The following RNF157 variants were observed in gnomAD, a reference collection of about 807,000 sequenced individuals.
The protein encoded by RNF157 is ring finger protein 157.
RNF157 carries 55 observed loss-of-function variants against 88.3 expected under a neutral mutation model. That is an observed-to-expected ratio of 0.62 (90% CI 0.50 to 0.78). The LOEUF (loss-of-function observed/expected upper bound fraction) is 0.78. Ranked by LOEUF, RNF157 falls within the 30% of genes least tolerant of loss-of-function variation. The pLI is 0.00. For missense variants in RNF157, 788 were observed against 860.8 expected, an observed-to-expected ratio of 0.92 and a Z score of 1.06; for synonymous variants, 334 against 341.2, an observed-to-expected ratio of 0.98 and a Z score of 0.23.
intron 12 of RNF157, among the ~76,000 whole-genome samples, chr17:76,158,713 A>G (rs1029913700): frequency 3.3e-5 from 5 of 152,180 alleles, no homozygotes; most frequent in African/African-American, 7.2e-5. Context: ...CAGCCTCCTG[A>G]GTAGCCGAGT....
intron 1 of RNF157, among the ~76,000 whole-genome samples, chr17:76,213,349 C>G (rs2069834063): frequency 6.6e-6 from 1 of 152,034 alleles, no homozygotes; most frequent in South Asian, 2.1e-4. Flanking sequence ...GAGGGCGGAT[C>G]ACTTGAGGTC....
chr17:76,215,542 A>T (rs2069874522), intron 1 of RNF157, among the ~76,000 whole-genome samples: 2 of 42,046 alleles, frequency 4.8e-5, no homozygotes, highest in African/African-American at 2.6e-4. Flanking sequence ...TAGCAAACTA[A>T]AAAAAAAAAA....
Position 76,161,715 on chromosome 17 carries a change from A to C in RNF157, c.953-68T>G. On this transcript the variant is annotated intron_variant, in intron 10 of 18. Coordinates refer to ENST00000269391, the MANE Select transcript of RNF157 (RefSeq NM_052916.3). The surrounding 1 kb of genome is among the most constrained non-coding windows in gnomAD (Gnocchi z 4.6). ...ATTAAGAATGAACAAGAGCCCAGAC[A>C]GAAACCATGATCCCTCCCAGCGCGC... The C allele has an allele frequency of 6.5e-7, 1 of 1,537,980 alleles. No homozygotes were observed. The highest frequency in any genetic ancestry group is 8.9e-7 in the Non-Finnish European group (1 of 1,120,908).
chr17:76,175,063 G>A (rs974436823), intron 2 of RNF157, among the ~76,000 whole-genome samples: 1 of 152,094 alleles, frequency 6.6e-6, no homozygotes, highest in Admixed American at 6.6e-5. Flanking sequence ...TATGGAATAC[G>A]TATCTCCATC....
At position 76,203,368 on chromosome 17, in the gene RNF157, C is replaced by T. The variant is rs114386509; in HGVS notation, c.207+8996G>A. On this transcript the variant is annotated intron_variant, in intron 2 of 18. Coordinates refer to ENST00000269391, the MANE Select transcript of RNF157 (RefSeq NM_052916.3). The stretch of plus-strand genomic sequence containing the variant: ...AAATTGAGACTCACTGATTGGCCAT[C>T]GTCTTAACCAACATGACAAAGTCAG... 6.1e-3 allele frequency among the ~76,000 whole-genome samples: 935 copies of T among 152,142 alleles called. 11 individuals are homozygous for T. Among genetic ancestry groups the T allele is most frequent in the African/African-American group, 0.021 (887 of 41,488 alleles).
In RNF157 at chr17:76,159,603, T is replaced by G. The variant is rs367585332; in HGVS notation, c.1066-30A>C. On this transcript the variant is annotated intron_variant, in intron 11 of 18. Transcript: ENST00000269391. ...GGGAATCAGAGACAGGTTGAAAAAT[T>G]AATTAGGTCCTTTTTGTTTTATGAC... 31 of 1,475,412 alleles carry G rather than the reference T, an allele frequency of 2.1e-5. No individual in the cohort carries two copies. The African/African-American group carries it at 3.9e-4, about 19-fold the overall frequency. The allele number at this position is 1,475,412 out of a possible 1,614,324, so 91.4% of individuals were successfully genotyped here.
intron 18 of RNF157, among the ~76,000 whole-genome samples, chr17:76,150,094 G>T (rs1007534013): frequency 1.1e-4 from 17 of 152,112 alleles, no homozygotes; most frequent in African/African-American, 2.7e-4. Context: ...TGCCACAGAA[G>T]CGTTCCCATT....
At chr17:76,210,755 C>T (rs1042462241) in intron 2 of RNF157, among the ~76,000 whole-genome samples, 2 of 151,998 alleles carry the variant, frequency 1.3e-5, no homozygotes, top group African/African-American at 4.8e-5. Flanking sequence ...ATATTCCTCA[C>T]GGTCTACAGG....
At chr17:76,196,010 T>C (rs1393548093) in intron 2 of RNF157, among the ~76,000 whole-genome samples, 5 of 152,218 alleles carry the variant, frequency 3.3e-5, no homozygotes, top group Admixed American at 6.5e-5. Flanking sequence ...TCTTTATAAT[T>C]TGTCCCTTAA....
At chr17:76,148,261 C>CTTTTTT (rs56231427) in intron 18 of RNF157, among the ~76,000 whole-genome samples, 6 of 121,162 alleles carry the variant, frequency 5.0e-5, no homozygotes, top group Admixed American at 8.6e-5. Context: ...TTATCTTTGC[C>CTTTTTT]TTTTTTTTTT....
chr17:76,197,935 G>C (rs1170372409), intron 2 of RNF157, among the ~76,000 whole-genome samples: 1 of 152,154 alleles, frequency 6.6e-6, no homozygotes, highest in Non-Finnish European at 1.5e-5. Flanking sequence ...AGATTCCCTA[G>C]GCTTGCAAAT....
At position 76,161,650 on chromosome 17, in the gene RNF157, G is replaced by A. The variant is rs780754042; in HGVS notation, c.953-3C>T. 1.2e-5 allele frequency: 19 copies of A among 1,612,342 alleles called. No homozygotes were observed. In the South Asian group the frequency reaches 1.9e-4, roughly 16 times the overall value. ...GATCTGAAGCAGTGCCCGGAAGGCT[G>A]TGAAGGAGAAAACAGGCAATCAGGA... On this transcript the variant is annotated splice_region_variant and splice_polypyrimidine_tract_variant and intron_variant, in intron 10 of 18. Transcript: ENST00000269391. The surrounding 1 kb of genome is among the most constrained non-coding windows in gnomAD (Gnocchi z 4.6).
intron 8 of RNF157, chr17:76,162,835 C>A: frequency 2.1e-6 from 1 of 465,734 alleles, no homozygotes; most frequent in Non-Finnish European, 3.8e-6. Flanking sequence ...ATTCACCCAT[C>A]ATTATATACA....
chr17:76,221,110 C>T (rs1466806153), intron 1 of RNF157, among the ~76,000 whole-genome samples: 2 of 151,838 alleles, frequency 1.3e-5, no homozygotes, highest in Non-Finnish European at 2.9e-5. Flanking sequence ...AACAGAGACC[C>T]TATTTCAAAA....
In RNF157 at chr17:76,195,574, C is replaced by A. The variant is rs181164608; in HGVS notation, c.207+16790G>T. Reference sequence around the variant, plus strand: ...CAACAAAATACATGTAATAATAGAACGTTCATAGCAGCACTATGTGTAATA... The same window carrying A: ...CAACAAAATACATGTAATAATAGAAAGTTCATAGCAGCACTATGTGTAATA... On this transcript the variant is annotated intron_variant, in intron 2 of 18. Coordinates refer to ENST00000269391, the MANE Select transcript of RNF157 (RefSeq NM_052916.3). The surrounding 1 kb of genome is among the most constrained non-coding windows in gnomAD (Gnocchi z 4.4). 6.6e-6 allele frequency among the ~76,000 whole-genome samples: 1 copy of A among 152,246 alleles called. No homozygotes were observed. The highest frequency in any genetic ancestry group is 1.5e-5 in the Non-Finnish European group (1 of 68,010).
At chr17:76,215,461 A>G (rs1376897754) in intron 1 of RNF157, among the ~76,000 whole-genome samples, 1 of 150,984 alleles carries the variant, frequency 6.6e-6, no homozygotes, top group African/African-American at 2.4e-5. Flanking sequence ...TGACAGAGTG[A>G]GACCCTCTCT....
intron 2 of RNF157, among the ~76,000 whole-genome samples, chr17:76,174,708 G>A (rs2069075964): frequency 6.6e-6 from 1 of 152,188 alleles, no homozygotes; most frequent in Non-Finnish European, 1.5e-5. Context: ...ATCAAATTGT[G>A]CCCTCACAGG....
intron 3 of RNF157, among the ~76,000 whole-genome samples, chr17:76,172,847 G>A (rs186965558): frequency 2.6e-5 from 4 of 152,002 alleles, no homozygotes; most frequent in African/African-American, 9.7e-5. Flanking sequence ...CGGGCAGTGG[G>A]AATGTATCAG....
chr17:76,155,694 C>T lies in RNF157; in HGVS notation c.1566G>A (p.Met522Ile). Reference protein sequence around the residue: ...SSSLAQSVMSMASSQISTDTV... With the variant: ...SSSLAQSVMSIASSQISTDTV... ...TGTCAGTGCTGATCTGGGAGGATGCCATGGACATGACAGACTGGGCCAAGC... is the reference window on the plus strand; with the variant it reads ...TGTCAGTGCTGATCTGGGAGGATGCTATGGACATGACAGACTGGGCCAAGC... The change falls in exon 15 of 19, where the codon ATG (methionine) becomes ATA (isoleucine). Residue 522 changes from methionine to isoleucine, a missense_variant. Physicochemically the swap from Met to Ile is conservative, Grantham distance 10 (BLOSUM62 1). Coordinates refer to ENST00000269391, the MANE Select transcript of RNF157 (RefSeq NM_052916.3). 2 of 1,609,040 alleles carry T rather than the reference C, an allele frequency of 1.2e-6. No individual in the cohort carries two copies. Among genetic ancestry groups the T allele is most frequent in the Non-Finnish European group, 1.7e-6 (2 of 1,177,738 alleles).
Sources: gnomAD v4.1 joint callset for allele counts (sites outside exome capture counted in the v4.1 genomes callset) on GRCh38, gnomAD v4.1.1 for gene constraint, Gnocchi (gnomAD v3.1) non-coding constraint, MANE v1.5 for transcripts, NCBI Gene and HGNC (gene_info 2026-07-23, HGNC 2026-07-21) for gene names.